Variants in SEMA3A observed in about 807,000 individuals in gnomAD.
The protein encoded by SEMA3A is semaphorin 3A.
A neutral mutation model predicts 97.9 loss-of-function variants in SEMA3A; 29 were observed. The ratio of observed to expected loss-of-function variants is 0.30; its 90% CI spans 0.22 to 0.40. The LOEUF (loss-of-function observed/expected upper bound fraction) is 0.40. Among genes scored for constraint, SEMA3A ranks in the 10% least tolerant of loss-of-function variants. The pLI is 1.00. For synonymous variants in SEMA3A, 321 were observed against 323.7 expected (o/e 0.99, Z 0.09); for missense variants, 763 against 951.3 (o/e 0.80, Z 2.60).
chr7:84,354,330 TA>T (rs927559530), intron 2 of SEMA3A, among the ~76,000 whole-genome samples: 4 of 151,740 alleles, frequency 2.6e-5, no homozygotes, highest in Admixed American at 1.3e-4. Flanking sequence ...TTACTCTTAA[TA>T]AAAAAAGTCT....
In SEMA3A at chr7:84,403,492, T is replaced by C. The variant is rs186439515; in HGVS notation, c.-245-31592A>G. ...GGGCAGGGCACAGACGAACAAAAGA[T>C]AGCAATAACCTCTGCAGACTTAAAT... is the stretch of plus-strand genomic sequence containing the variant. On this transcript the variant is annotated intron_variant, in intron 1 of 3. Transcript: ENST00000424555. 7.2e-4 allele frequency among the ~76,000 whole-genome samples: 110 copies of C among 152,234 alleles called. 1 individual carries two copies. The highest frequency in any genetic ancestry group is 2.4e-3 in the African/African-American group (100 of 41,552).
chr7:84,110,050 T>A (rs1795230679), intron 4 of SEMA3A, among the ~76,000 whole-genome samples: 2 of 152,114 alleles, frequency 1.3e-5, no homozygotes, highest in African/African-American at 4.8e-5. Context: ...TGAGATCAGA[T>A]CATTGTGCAA....
At chr7:84,047,348 C>T (rs1365561750) in intron 5 of SEMA3A, among the ~76,000 whole-genome samples, 1 of 152,026 alleles carries the variant, frequency 6.6e-6, no homozygotes, top group Non-Finnish European at 1.5e-5. Flanking sequence ...ACTGGCTTGA[C>T]ACTTTCAAGT....
chr7:83,970,491 G>A (rs986977902), intron 15 of SEMA3A, among the ~76,000 whole-genome samples: 2 of 152,052 alleles, frequency 1.3e-5, no homozygotes, highest in African/African-American at 2.4e-5. Context: ...TAAATGTCTC[G>A]CAAGATTGAA....
rs371233789 is a variant in SEMA3A, at chr7:84,428,993, A to G, written c.-245-57093T>C. On this transcript the variant is annotated intron_variant, in intron 1 of 3. Transcript: ENST00000424555. ...TTTAGGAGGCTCAAAGCAAGAAAGG[A>G]CCTATGATGAAGTTCAAGGGTGAAG... 6.8e-4 allele frequency among the ~76,000 whole-genome samples: 104 copies of G among 152,182 alleles called. 1 individual carries two copies. Among genetic ancestry groups the G allele is most frequent in the African/African-American group, 2.3e-3 (96 of 41,522 alleles).
intron 2 of SEMA3A, among the ~76,000 whole-genome samples, chr7:84,311,519 T>A (rs1454423822): frequency 6.6e-6 from 1 of 151,836 alleles, no homozygotes; most frequent in African/African-American, 2.4e-5. Context: ...ATTACAGGGT[T>A]TTTTGTGCTC....
chr7:84,005,208 AAGTT>A lies in SEMA3A; in HGVS notation c.1360+127_1360+130del, dbSNP rs1270148546. 5 of 662,942 alleles carry A rather than the reference AAGTT, an allele frequency of 7.5e-6. No individual in the cohort carries two copies. In the South Asian group the frequency reaches 9.1e-5, roughly 12 times the overall value. The allele number at this position is 662,942 out of a possible 1,614,324, so 41.1% of individuals were successfully genotyped here. On this transcript the variant is annotated intron_variant, in intron 11 of 16. Coordinates refer to ENST00000265362, the MANE Select transcript of SEMA3A (RefSeq NM_006080.3). ...AGTAGTTAAGTTTTGGGGAAATCAA[AAGTT>A]AGTTATATGTGGATTTTCAACTGCA...
At chr7:84,338,164 T>C (rs1414706287) in intron 2 of SEMA3A, among the ~76,000 whole-genome samples, 2 of 150,160 alleles carry the variant, frequency 1.3e-5, no homozygotes, top group Non-Finnish European at 2.9e-5. Flanking sequence ...TGTATATACA[T>C]GCATATATAT....
chr7:84,136,752 A>G (rs752158242), intron 1 of SEMA3A, among the ~76,000 whole-genome samples: 4 of 152,132 alleles, frequency 2.6e-5, no homozygotes, highest in African/African-American at 4.8e-5. Context: ...CTGGTCAACA[A>G]TGTAAAATGG....
At chr7:84,055,064 C>G (rs1792893962) in intron 5 of SEMA3A, among the ~76,000 whole-genome samples, 2 of 151,480 alleles carry the variant, frequency 1.3e-5, no homozygotes, top group African/African-American at 2.4e-5. Flanking sequence ...TGCCCGTTCT[C>G]AGATCTCCAG....
chr7:84,209,947 T>C (rs1402205017), intron 3 of SEMA3A, among the ~76,000 whole-genome samples: 2 of 152,220 alleles, frequency 1.3e-5, no homozygotes, highest in Non-Finnish European at 2.9e-5. Context: ...CTACCATTCT[T>C]ATTATTTTGG....
chr7:84,261,910 A>G (rs1045786471), intron 3 of SEMA3A, among the ~76,000 whole-genome samples: 1 of 152,196 alleles, frequency 6.6e-6, no homozygotes, highest in Admixed American at 6.5e-5. Flanking sequence ...ACTAATATTT[A>G]TAACACTTAT....
intron 5 of SEMA3A, among the ~76,000 whole-genome samples, chr7:84,056,999 C>T (rs1392855709): frequency 6.6e-6 from 1 of 152,158 alleles, no homozygotes; most frequent in East Asian, 1.9e-4. Context: ...ATTTCAGGTA[C>T]AAGGAAACTG....
chr7:84,343,317 T>C (rs1802217950), intron 2 of SEMA3A, among the ~76,000 whole-genome samples: 1 of 152,188 alleles, frequency 6.6e-6, no homozygotes, highest in Admixed American at 6.5e-5. Context: ...CTTTGTCCTG[T>C]TGGCAACTGA....
chr7:84,326,334 A>C (rs968463560), intron 2 of SEMA3A, among the ~76,000 whole-genome samples: 6 of 152,166 alleles, frequency 3.9e-5, no homozygotes, highest in Non-Finnish European at 5.9e-5. Flanking sequence ...TAAAGAGACA[A>C]ATATAAACCA....
chr7:84,343,816 A>T (rs774486090), intron 2 of SEMA3A, among the ~76,000 whole-genome samples: 1 of 152,048 alleles, frequency 6.6e-6, no homozygotes, highest in Non-Finnish European at 1.5e-5. Flanking sequence ...ACATAATAAG[A>T]CTTCATTTCT....
chr7:84,239,406 G>A (rs1049606615), intron 3 of SEMA3A, among the ~76,000 whole-genome samples: 14 of 152,050 alleles, frequency 9.2e-5, no homozygotes, highest in Non-Finnish European at 4.4e-5. Flanking sequence ...TCCACTTTTT[G>A]TGGCCAAGTG....
intron 1 of SEMA3A, among the ~76,000 whole-genome samples, chr7:84,471,445 A>G (rs140809649): frequency 6.6e-6 from 1 of 152,142 alleles, no homozygotes; most frequent in Admixed American, 6.5e-5. Flanking sequence ...AAGATTTTTA[A>G]TGAAATGTTG....
chr7:84,342,020 T>C (rs1472176577), intron 2 of SEMA3A, among the ~76,000 whole-genome samples: 4 of 152,086 alleles, frequency 2.6e-5, no homozygotes, highest in Non-Finnish European at 5.9e-5. Flanking sequence ...TCAAGTCAGA[T>C]TCGTTTGTTC....
Sources: gnomAD v4.1 joint callset for allele counts (sites outside exome capture counted in the v4.1 genomes callset) on GRCh38, gnomAD v4.1.1 for gene constraint, MANE v1.5 for transcripts, NCBI Gene and HGNC (gene_info 2026-07-23, HGNC 2026-07-21) for gene names.